Variants in ASCC3 observed in about 807,000 individuals in gnomAD.
The protein encoded by ASCC3 is activating signal cointegrator 1 complex subunit 3.
In ASCC3, 158 loss-of-function variants were observed where a neutral mutation model predicts 256.3. The ratio of observed to expected loss-of-function variants is 0.62; its 90% CI spans 0.54 to 0.70. ASCC3 has a LOEUF of 0.70. ASCC3 is among the 30% of genes least tolerant of loss of function. The pLI is 0.00. For synonymous variants in ASCC3, 948 were observed against 883.4 expected (o/e 1.07, Z -1.30); for missense variants, 2,259 against 2,626.0 (o/e 0.86, Z 3.05).
rs57465763 is a variant in ASCC3, at chr6:100,771,866, G to GT, written c.1396-4522dup. ...ATCACTTTAATAAAACAATCTGCAAGTTTTTTTTTTTTTTTTTTTTTTTTT... is the reference window on the plus strand; with the variant it reads ...ATCACTTTAATAAAACAATCTGCAAGTTTTTTTTTTTTTTTTTTTTTTTTTT... On this transcript the variant is annotated intron_variant, in intron 8 of 41. Transcript: ENST00000369162. 6.9e-4 allele frequency among the ~76,000 whole-genome samples: 63 copies of GT among 91,838 alleles called. 2 individuals are homozygous for GT. Among genetic ancestry groups the GT allele is most frequent in the African/African-American group, 1.8e-3 (39 of 21,492 alleles). The allele number at this position is 91,838 out of a possible 152,430, so 60.2% of individuals were successfully genotyped here. A position where few individuals can be genotyped will look rare whatever the true frequency, so the allele number is the denominator to read the frequency against.
intron 3 of ASCC3, among the ~76,000 whole-genome samples, chr6:100,850,413 G>A (rs1031825054): frequency 1.4e-4 from 22 of 152,170 alleles, no homozygotes; most frequent in African/African-American, 4.6e-4. Context: ...TGAGTACAAC[G>A]TTGAGTACAT....
At chr6:100,518,193 C>T (rs771895739) in intron 37 of ASCC3, 51 bp from the exon 38 acceptor site, 4 of 1,596,700 alleles carry the variant, frequency 2.5e-6, no homozygotes, top group Admixed American at 1.7e-5. Flanking sequence ...GGTACTTGCC[C>T]CCTCCACTGG....
chr6:100,753,497 CT>C (rs67034154), intron 10 of ASCC3, among the ~76,000 whole-genome samples: 25,219 of 76,026 alleles, frequency 0.33, 3,069 homozygotes, highest in East Asian at 0.68. Context: ...AACAGGTGCC[CT>C]TTTTTTTTTT....
intron 26 of ASCC3, among the ~76,000 whole-genome samples, chr6:100,630,546 T>C (rs1774488124): frequency 2.6e-5 from 4 of 151,794 alleles, no homozygotes; most frequent in African/African-American, 9.7e-5. Context: ...ATATAGTTTT[T>C]TTTACAGAGT....
Position 100,779,602 on chromosome 6 carries a change from C to A in ASCC3, c.1396-12257G>T, listed in dbSNP as rs533699931. ...TTTACATGAGTGAGCCACCTTTTGC[C>A]CTAAAATTCTCATCCTTTTTAAGTT... On this transcript the variant is annotated intron_variant, in intron 8 of 41. Coordinates refer to ENST00000369162, the MANE Select transcript of ASCC3 (RefSeq NM_006828.4). Among the ~76,000 whole-genome samples the A allele has an allele frequency of 4.6e-5, 7 of 152,134 alleles. No individual in the cohort carries two copies. In the South Asian group the frequency reaches 1.2e-3, roughly 27 times the overall value.
chr6:100,542,483 C>A (rs1775509071), intron 36 of ASCC3, among the ~76,000 whole-genome samples: 1 of 152,092 alleles, frequency 6.6e-6, no homozygotes, highest in Admixed American at 6.6e-5. Context: ...GAGATTGAGA[C>A]CATCCTGGCC....
chr6:100,866,953 T>C (rs1037688046), intron 2 of ASCC3, among the ~76,000 whole-genome samples: 2 of 152,256 alleles, frequency 1.3e-5, no homozygotes, highest in Non-Finnish European at 2.9e-5. Flanking sequence ...GAAGTCTTGA[T>C]ATCATATGCT....
At chr6:100,548,596 T>C (rs1769117692) in intron 36 of ASCC3, among the ~76,000 whole-genome samples, 1 of 151,940 alleles carries the variant, frequency 6.6e-6, no homozygotes, top group African/African-American at 2.4e-5. Flanking sequence ...CAACTACATA[T>C]ATAAACGCAA....
chr6:100,609,775 G>A (rs1043329423), intron 30 of ASCC3, among the ~76,000 whole-genome samples: 27 of 152,028 alleles, frequency 1.8e-4, no homozygotes, highest in Non-Finnish European at 4.0e-4. Flanking sequence ...GCTGGGCATG[G>A]TGGTGCATGC....
rs552622626 is a variant in ASCC3, at chr6:100,519,620, T to TA, written c.5776-1479dup. Among the ~76,000 whole-genome samples, 47 of 152,266 alleles carry TA rather than the reference T, an allele frequency of 3.1e-4. No homozygotes were observed. In the South Asian group the frequency reaches 9.5e-3, roughly 31 times the overall value. On this transcript the variant is annotated intron_variant, in intron 37 of 41. Transcript: ENST00000369162. Reference sequence around the variant, plus strand: ...GAAAAGAGAAATGCGTAATTATACCTAATGCAGTATTATGATGATGTCAGA... The same window carrying TA: ...GAAAAGAGAAATGCGTAATTATACCTAAATGCAGTATTATGATGATGTCAGA...
At chr6:100,568,792 T>TTATTATTATTA (rs1562125513) in intron 36 of ASCC3, among the ~76,000 whole-genome samples, 1 of 137,836 alleles carries the variant, frequency 7.3e-6, no homozygotes, top group African/African-American at 2.7e-5. Context: ...TATTATTATT[T>TTATTATTATTA]TTTGAGACAG....
At chr6:100,572,804 G>A (rs577446366) in intron 36 of ASCC3, among the ~76,000 whole-genome samples, 1 of 152,180 alleles carries the variant, frequency 6.6e-6, no homozygotes, top group African/African-American at 2.4e-5. Context: ...TATTTTGTTA[G>A]TAATTAAGCT....
chr6:100,767,431 T>A, intron 8 of ASCC3, 86 bp from the exon 9 acceptor site: 1 of 1,378,908 alleles, frequency 7.3e-7, no homozygotes, highest in Non-Finnish European at 1.0e-6. Flanking sequence ...TTATTTCCTT[T>A]GTTTTTTAAA....
chr6:100,835,444 T>C (rs1771828438), intron 4 of ASCC3, among the ~76,000 whole-genome samples: 1 of 152,152 alleles, frequency 6.6e-6, no homozygotes, highest in Admixed American at 6.5e-5. Flanking sequence ...TTTGAGTTGA[T>C]TTTTGTACAT....
chr6:100,690,909 T>G (rs747218773), intron 13 of ASCC3, among the ~76,000 whole-genome samples: 3 of 152,124 alleles, frequency 2.0e-5, no homozygotes, highest in Non-Finnish European at 4.4e-5. Flanking sequence ...ATTACTGAAT[T>G]ATATACAGAA....
At chr6:100,551,063 T>C (rs1769274561) in intron 36 of ASCC3, among the ~76,000 whole-genome samples, 1 of 151,976 alleles carries the variant, frequency 6.6e-6, no homozygotes, top group Non-Finnish European at 1.5e-5. Context: ...TGCCTTTTCT[T>C]AGTGCATGAA....
At chr6:100,547,555 A>T (rs1014259491) in intron 36 of ASCC3, among the ~76,000 whole-genome samples, 1 of 152,078 alleles carries the variant, frequency 6.6e-6, no homozygotes, top group Admixed American at 6.5e-5. Flanking sequence ...ATTTTAACAG[A>T]TACTTTATGT....
At chr6:100,783,093 G>A (rs1484156887) in intron 8 of ASCC3, among the ~76,000 whole-genome samples, 2 of 151,502 alleles carry the variant, frequency 1.3e-5, no homozygotes, top group Non-Finnish European at 2.9e-5. Context: ...AAGCCTAAAT[G>A]AGCTCTCATG....
intron 36 of ASCC3, among the ~76,000 whole-genome samples, chr6:100,577,397 G>A (rs888311917): frequency 2.0e-5 from 3 of 151,924 alleles, no homozygotes; most frequent in Non-Finnish European, 4.4e-5. Flanking sequence ...CAAAGCCTTT[G>A]CCTCCCTAGA....
Sources: gnomAD v4.1 joint callset for allele counts (sites outside exome capture counted in the v4.1 genomes callset) on GRCh38, gnomAD v4.1.1 for gene constraint, MANE v1.5 for transcripts, NCBI Gene and HGNC (gene_info 2026-07-23, HGNC 2026-07-21) for gene names.